The following TRERF1 variants were observed in gnomAD, a reference collection of about 807,000 sequenced individuals.
TRERF1 encodes the protein transcriptional regulating factor 1.
TRERF1 carries 27 observed loss-of-function variants against 122.9 expected under a neutral mutation model. The observed-to-expected ratio is 0.22, with a 90% CI of 0.16 to 0.30. The LOEUF is 0.30. Among genes scored for constraint, TRERF1 ranks in the 10% least tolerant of loss-of-function variants. The probability of loss-of-function intolerance (pLI) is 1.00; values close to 1 mark genes in which losing one functional copy is unlikely to be tolerated. For synonymous variants in TRERF1, 636 were observed against 641.7 expected (o/e 0.99, Z 0.13); for missense variants, 1,248 against 1,560.3 (o/e 0.80, Z 3.37).
At chr6:42,329,827 A>G (rs1764939960) in intron 3 of TRERF1, among the ~76,000 whole-genome samples, 1 of 151,956 alleles carries the variant, frequency 6.6e-6, no homozygotes, top group African/African-American at 2.4e-5. Context: ...CATCTCTACT[A>G]AAAATGCAAA....
At chr6:42,262,535 GAGAGAGAGAGAGAGAGAGAGAGA>G in intron 8 of TRERF1, among the ~76,000 whole-genome samples, 1 of 63,452 alleles carries the variant, frequency 1.6e-5, no homozygotes, top group East Asian at 6.5e-4. Context: ...GAGAGAGAGA[GAGAGAGAGAGAGAGAGAGAGAGA>G]GAGAGAGAGA....
intron 8 of TRERF1, among the ~76,000 whole-genome samples, chr6:42,262,454 G>GAC (rs1778215659): frequency 9.4e-5 from 1 of 10,602 alleles, no homozygotes; most frequent in African/African-American, 4.6e-4. Context: ...GAGAGAGAGA[G>GAC]AGAGAGAGAG....
intron 2 of TRERF1, among the ~76,000 whole-genome samples, chr6:42,384,205 G>A (rs746824036): frequency 4.6e-5 from 7 of 152,034 alleles, no homozygotes; most frequent in Non-Finnish European, 8.8e-5. Flanking sequence ...ACAAAGGATT[G>A]GAAGTAACTA....
intron 4 of TRERF1, among the ~76,000 whole-genome samples, chr6:42,281,258 G>C (rs1782250588): frequency 6.6e-6 from 1 of 152,156 alleles, no homozygotes; most frequent in Non-Finnish European, 1.5e-5. Flanking sequence ...CAAGAAGACA[G>C]AAATGCGGCC....
rs1299650929 is a variant in TRERF1 at position 42,269,183 on chromosome 6, G to A, written c.408C>T (p.Thr136=). ...AGTCCAGCTTGTGTAAGACACCGCT[G>A]GTAAGCTTCTGGGTCCGGATCTCGC... The change falls in exon 5 of 18, where the codon ACC becomes ACT. Residue 136 remains threonine (T), a synonymous_variant. Transcript: ENST00000372922. This position sits in a 1 kb window ranked among gnomAD's most constrained non-coding sequence, Gnocchi z 4.9. 2.5e-6 allele frequency: 4 copies of A among 1,614,108 alleles called. No homozygotes were observed. The highest frequency in any genetic ancestry group is 3.4e-6 in the Non-Finnish European group (4 of 1,180,054).
chr6:42,283,865 C>T (rs1046847017), intron 4 of TRERF1, among the ~76,000 whole-genome samples: 2 of 152,102 alleles, frequency 1.3e-5, no homozygotes, highest in African/African-American at 2.4e-5. Context: ...ATCTGCCCGC[C>T]TCGACCTCCC....
chr6:42,432,744 G>A lies in TRERF1; in HGVS notation c.-454+18433C>T, dbSNP rs1328102466. ...TGTAGTCCCAGCTACTCAGGAGGCT[G>A]AAGCAGGAGAATCGCTTGAAGCCAG... On this transcript the variant is annotated intron_variant, in intron 2 of 17. Coordinates refer to ENST00000372922, the Ensembl canonical transcript of TRERF1. 5.9e-5 allele frequency among the ~76,000 whole-genome samples: 9 copies of A among 151,570 alleles called. No homozygotes were observed. The East Asian group carries it at 1.8e-3, about 30-fold the overall frequency.
chr6:42,380,434 G>A (rs409218), intron 2 of TRERF1, among the ~76,000 whole-genome samples: 2,702 of 152,350 alleles, frequency 0.018, 76 homozygotes, highest in African/African-American at 0.061. Context: ...GAGCCAGGCT[G>A]AAGCCCAGCA....
At chr6:42,420,440 G>A (rs997914310) in intron 2 of TRERF1, among the ~76,000 whole-genome samples, 1 of 152,132 alleles carries the variant, frequency 6.6e-6, no homozygotes, top group Non-Finnish European at 1.5e-5. Flanking sequence ...CACACAAGAG[G>A]AGGAACAGAA....
intron 4 of TRERF1, among the ~76,000 whole-genome samples, chr6:42,294,179 A>ATTT (rs1784722328): frequency 1.0e-5 from 1 of 95,262 alleles, no homozygotes; most frequent in African/African-American, 4.7e-5. Flanking sequence ...GCTATAATGT[A>ATTT]ATTTTTTTTT....
At chr6:42,357,105 T>C (rs1770712061) in intron 3 of TRERF1, among the ~76,000 whole-genome samples, 1 of 151,788 alleles carries the variant, frequency 6.6e-6, no homozygotes, top group African/African-American at 2.4e-5. Context: ...CCGAGGCAGA[T>C]GGACCACGAG....
chr6:42,290,740 CCT>C (rs1491365206), intron 4 of TRERF1, among the ~76,000 whole-genome samples: 3 of 118,784 alleles, frequency 2.5e-5, no homozygotes, highest in Non-Finnish European at 5.1e-5. Flanking sequence ...CCATTTCTTT[CCT>C]TTTTTTTTTT....
intron 3 of TRERF1, among the ~76,000 whole-genome samples, chr6:42,343,364 C>T (rs1767656026): frequency 6.6e-6 from 1 of 152,194 alleles, no homozygotes; most frequent in Non-Finnish European, 1.5e-5. Context: ...GCCTTCTGAA[C>T]TCATAATGTA....
chr6:42,274,631 A>T (rs1780845640), intron 4 of TRERF1, among the ~76,000 whole-genome samples: 1 of 152,168 alleles, frequency 6.6e-6, no homozygotes, highest in Non-Finnish European at 1.5e-5. Context: ...GTGAGCCGAG[A>T]TCAAGCCATT....
intron 16 of TRERF1, among the ~76,000 whole-genome samples, chr6:42,234,149 T>A (rs532070277): frequency 1.3e-5 from 2 of 152,116 alleles, no homozygotes; most frequent in African/African-American, 4.8e-5. Context: ...TGCCAAATGT[T>A]CTTGGGGAAT....
intron 4 of TRERF1, among the ~76,000 whole-genome samples, chr6:42,297,949 A>C (rs540352582): frequency 6.6e-6 from 1 of 152,322 alleles, no homozygotes; most frequent in South Asian, 2.1e-4. Context: ...TAAAATTTCT[A>C]AATAGCAAAT....
chr6:42,436,416 AT>A, intron 2 of TRERF1, among the ~76,000 whole-genome samples: 1 of 152,314 alleles, frequency 6.6e-6, no homozygotes, highest in Non-Finnish European at 1.5e-5. Context: ...TTTCCAAAAA[AT>A]ATTTAATTAG....
chr6:42,446,440 A>G (rs1457035698), intron 2 of TRERF1, among the ~76,000 whole-genome samples: 1 of 151,964 alleles, frequency 6.6e-6, no homozygotes. Flanking sequence ...TTTCCAGGCT[A>G]CTCTAATGAA....
chr6:42,311,574 C>T (rs1761642977), intron 3 of TRERF1, among the ~76,000 whole-genome samples: 1 of 151,888 alleles, frequency 6.6e-6, no homozygotes, highest in South Asian at 2.1e-4. Context: ...ACCATCCTGG[C>T]TAACATGATG....
Sources: allele counts gnomAD v4.1 joint callset (sites outside exome capture counted in the v4.1 genomes callset), GRCh38; gene constraint gnomAD v4.1.1; non-coding constraint Gnocchi (gnomAD v3.1); transcripts MANE v1.5; gene names NCBI Gene and HGNC (gene_info 2026-07-23, HGNC 2026-07-21).